Variants in ABHD12 observed in about 807,000 individuals in gnomAD.
ABHD12 encodes the protein lysophosphatidylserine lipase ABHD12.
In ABHD12, 43 loss-of-function variants were observed where a neutral mutation model predicts 58.3. That is an observed-to-expected ratio of 0.74 (90% CI 0.58 to 0.95). The LOEUF is 0.95. Ranked by LOEUF, ABHD12 falls within the 40% of genes least tolerant of loss-of-function variation. ABHD12 has a pLI of 0.00. For missense variants in ABHD12, 539 were observed against 537.2 expected, an observed-to-expected ratio of 1.00 and a Z score of -0.03; for synonymous variants, 219 against 211.2, an observed-to-expected ratio of 1.04 and a Z score of -0.32.
At chr20:25,372,068 C>T (rs2089906128) in intron 1 of ABHD12, among the ~76,000 whole-genome samples, 1 of 152,144 alleles carries the variant, frequency 6.6e-6, no homozygotes, top group South Asian at 2.1e-4. Context: ...GTGGCATGCT[C>T]ATAGCTCTCT....
intron 12 of ABHD12, among the ~76,000 whole-genome samples, chr20:25,301,806 A>G (rs1185352263): frequency 2.0e-5 from 3 of 152,246 alleles, no homozygotes; most frequent in African/African-American, 7.2e-5. Flanking sequence ...CAGGGCAGTC[A>G]GGAGCACCAC....
chr20:25,334,300 A>G (rs1485236624), intron 2 of ABHD12, among the ~76,000 whole-genome samples: 3 of 151,310 alleles, frequency 2.0e-5, no homozygotes, highest in Non-Finnish European at 1.5e-5. Context: ...CAAGGAAATA[A>G]AAGAGGATAC....
intron 1 of ABHD12, among the ~76,000 whole-genome samples, chr20:25,379,858 CT>C (rs961320400): frequency 8.7e-4 from 126 of 145,074 alleles, no homozygotes; most frequent in Non-Finnish European, 8.4e-4. Flanking sequence ...CTGGCTAATT[CT>C]TTTTTTTTTT....
intron 6 of ABHD12, among the ~76,000 whole-genome samples, chr20:25,312,792 C>T (rs1600778564): frequency 6.6e-6 from 1 of 151,994 alleles, no homozygotes; most frequent in Non-Finnish European, 1.5e-5. Context: ...TGCCCCGCCG[C>T]CCCGTCTGGG....
intron 1 of ABHD12, among the ~76,000 whole-genome samples, chr20:25,361,405 T>C (rs190053469): frequency 6.4e-5 from 9 of 140,730 alleles, no homozygotes; most frequent in African/African-American, 2.5e-4. Context: ...GTGTTTTTTG[T>C]TTTTTTTTGA....
chr20:25,388,822 CTTG>C (rs2090130832), intron 1 of ABHD12, among the ~76,000 whole-genome samples: 1 of 103,210 alleles, frequency 9.7e-6, no homozygotes, highest in East Asian at 2.5e-4. Flanking sequence ...GAGTTCCGTT[CTTG>C]TTGTCCAGGC....
At chr20:25,309,661 CAGG>C in intron 6 of ABHD12, 86 bp from the exon 7 acceptor site, 1 of 1,583,680 alleles carries the variant, frequency 6.3e-7, no homozygotes, top group African/African-American at 1.3e-5. Flanking sequence ...GGCCCAGGGC[CAGG>C]AGGAGACAGG....
intron 9 of ABHD12, among the ~76,000 whole-genome samples, chr20:25,307,391 C>T (rs531820639): frequency 9.2e-5 from 14 of 152,340 alleles, no homozygotes; most frequent in African/African-American, 2.9e-4. Flanking sequence ...GACACAGGCC[C>T]GAGAATCCAT....
rs140981316 is a variant in ABHD12, at chr20:25,362,825, C to T, written c.192-23474G>A. ...GAGTAGATGGGATTGCAGGCGTGCA[C>T]CACCACCCCCGGCTAATTTTGTATT... On this transcript the variant is annotated intron_variant, in intron 1 of 12. Coordinates refer to ENST00000339157, the MANE Select transcript of ABHD12 (RefSeq NM_001042472.3). Among the ~76,000 whole-genome samples the T allele has an allele frequency of 7.6e-3, 1,155 of 151,940 alleles. 7 individuals carry two copies. The highest frequency in any genetic ancestry group is 0.01 in the Non-Finnish European group (683 of 67,962).
intron 1 of ABHD12, among the ~76,000 whole-genome samples, chr20:25,346,321 A>G (rs548445188): frequency 1.4e-4 from 22 of 152,340 alleles, no homozygotes; most frequent in African/African-American, 4.6e-4. Context: ...GGGATGGGGT[A>G]GGGAGGGATG....
At chr20:25,333,805 T>G (rs2089317909) in intron 2 of ABHD12, among the ~76,000 whole-genome samples, 1 of 151,800 alleles carries the variant, frequency 6.6e-6, no homozygotes, top group Non-Finnish European at 1.5e-5. Context: ...ATGGGACACA[T>G]CTCAAAATAA....
exon 13 of ABHD12, chr20:25,294,946 G>A (rs375945055): frequency 7.4e-6 from 12 of 1,613,582 alleles, no homozygotes; most frequent in South Asian, 3.3e-5. Context: ...GCTGCTCTTC[G>A]ATGACCGTGT....
chr20:25,310,990 A>C (rs1299727365), intron 6 of ABHD12, among the ~76,000 whole-genome samples: 1 of 152,184 alleles, frequency 6.6e-6, no homozygotes, highest in Non-Finnish European at 1.5e-5. Flanking sequence ...CATGCAGCAG[A>C]AGAGAACCAG....
At chr20:25,366,832 G>C (rs1469317042) in intron 1 of ABHD12, among the ~76,000 whole-genome samples, 1 of 152,046 alleles carries the variant, frequency 6.6e-6, no homozygotes, top group Non-Finnish European at 1.5e-5. Context: ...AGTGTATTTG[G>C]GTCTATTTGG....
At chr20:25,334,359 C>T (rs1345154131) in intron 2 of ABHD12, among the ~76,000 whole-genome samples, 7 of 149,214 alleles carry the variant, frequency 4.7e-5, no homozygotes, top group East Asian at 2.0e-4. Context: ...GAATCAATAT[C>T]GTGAAAATGG....
At chr20:25,369,849 G>A (rs1178211006) in intron 1 of ABHD12, among the ~76,000 whole-genome samples, 1 of 150,090 alleles carries the variant, frequency 6.7e-6, no homozygotes, top group Non-Finnish European at 1.5e-5. Flanking sequence ...GGGGGCTGAG[G>A]CGAGAGGATT....
chr20:25,388,038 CAAA>C (rs748581834), intron 1 of ABHD12, among the ~76,000 whole-genome samples: 3 of 58,112 alleles, frequency 5.2e-5, no homozygotes, highest in African/African-American at 1.2e-4. Flanking sequence ...GACTCCTTCT[CAAA>C]AAAAAAAAAA....
intron 9 of ABHD12, among the ~76,000 whole-genome samples, chr20:25,307,715 T>G (rs2088771150): frequency 6.6e-6 from 1 of 152,248 alleles, no homozygotes; most frequent in Non-Finnish European, 1.5e-5. Context: ...TGACACCACG[T>G]GAGCCCGGCC....
chr20:25,388,994 C>CG (rs1555827407), intron 1 of ABHD12, among the ~76,000 whole-genome samples: 9 of 151,720 alleles, frequency 5.9e-5, no homozygotes, highest in Non-Finnish European at 1.3e-4. Context: ...TTAGTACAGA[C>CG]GGGGTTTCTC....
Sources: gnomAD v4.1 joint callset for allele counts (sites outside exome capture counted in the v4.1 genomes callset) on GRCh38, gnomAD v4.1.1 for gene constraint, MANE v1.5 for transcripts, NCBI Gene and HGNC (gene_info 2026-07-23, HGNC 2026-07-21) for gene names.